ELMOD1: variants seen among roughly 807,000 people sequenced by gnomAD.
The protein encoded by ELMOD1 is ELMO domain containing 1, also known as ELMO domain-containing protein 1.
ELMOD1 carries 21 observed loss-of-function variants against 46.7 expected under a neutral mutation model. The ratio of observed to expected loss-of-function variants is 0.45; its 90% confidence interval spans 0.32 to 0.65. The LOEUF (loss-of-function observed/expected upper bound fraction) is 0.65. Among genes scored for constraint, ELMOD1 ranks in the 30% least tolerant of loss-of-function variants. ELMOD1 has a pLI of 0.04. For missense variants in ELMOD1, 348 were observed against 407.8 expected (o/e 0.85, Z 1.26); for synonymous variants, 122 against 138.2 (o/e 0.88, Z 0.82).
chr11:107,653,834 G>A (rs72990752), intron 9 of ELMOD1: 33 of 202,696 alleles, frequency 1.6e-4, no homozygotes, highest in Non-Finnish European at 2.3e-4. Context: ...ATGCAGTAGG[G>A]AATCAGGAGA....
At chr11:107,631,713 A>G (rs1866144472) in intron 5 of ELMOD1, 36 bp downstream of exon 5, 1 of 1,197,318 alleles carries the variant, frequency 8.4e-7, no homozygotes, top group African/African-American at 1.6e-5. Flanking sequence ...AATACAGAAC[A>G]CAAATCACAT....
intron 6 of ELMOD1, among the ~76,000 whole-genome samples, chr11:107,637,388 CA>C (rs1026629295): frequency 1.3e-5 from 2 of 152,046 alleles, no homozygotes; most frequent in Admixed American, 6.6e-5. Flanking sequence ...GCATATTGTT[CA>C]CCTTCAAAAA....
At position 107,627,830 on chromosome 11, in the gene ELMOD1, C is replaced by G. The variant is rs187168602; in HGVS notation, c.18-2587C>G. On this transcript the variant is annotated intron_variant, in intron 2 of 11. Coordinates refer to ENST00000265840, the MANE Select transcript of ELMOD1 (RefSeq NM_018712.4). ...CTAGGAAGATTTAGTACAAACAGAA[C>G]TGGATTATCTCATAGTTCTACTTTT... Among the ~76,000 whole-genome samples the G allele has an allele frequency of 1.1e-4, 17 of 152,290 alleles. 1 individual carries two copies. Among genetic ancestry groups the G allele is most frequent in the Admixed American group, 1.1e-3 (17 of 15,290 alleles).
At chr11:107,600,686 G>A (rs1865582354) in intron 1 of ELMOD1, 1 of 152,852 alleles carries the variant, frequency 6.5e-6, no homozygotes, top group African/African-American at 2.4e-5. Flanking sequence ...GTCAACATTT[G>A]TTTACTCAAG....
At chr11:107,618,027 C>T in intron 1 of ELMOD1, 78 bp from the exon 2 acceptor site, 1 of 716,328 alleles carries the variant, frequency 1.4e-6, no homozygotes. Flanking sequence ...AACTGCTTGC[C>T]TCAGTAAGCA....
At chr11:107,622,748 G>C (rs923919150) in intron 2 of ELMOD1, among the ~76,000 whole-genome samples, 4 of 152,160 alleles carry the variant, frequency 2.6e-5, no homozygotes, top group African/African-American at 9.7e-5. Context: ...GATTAGCATT[G>C]CTTGAGGCAT....
intron 2 of ELMOD1, 23 bp from the exon 3 acceptor site, chr11:107,630,394 G>T: frequency 6.3e-7 from 1 of 1,580,762 alleles, no homozygotes; most frequent in Non-Finnish European, 8.6e-7. Context: ...TATTGGAAGG[G>T]TGCTGTGTTT....
At chr11:107,615,363 G>A (rs981176234) in intron 1 of ELMOD1, among the ~76,000 whole-genome samples, 2 of 149,496 alleles carry the variant, frequency 1.3e-5, no homozygotes, top group African/African-American at 2.5e-5. Context: ...AGCCTCCCAA[G>A]TAGCTGGGAT....
chr11:107,646,746 A>G (rs1456060238), intron 6 of ELMOD1, among the ~76,000 whole-genome samples: 3 of 152,036 alleles, frequency 2.0e-5, no homozygotes, highest in African/African-American at 7.2e-5. Context: ...AAAAAAAAGC[A>G]AAAAGAAACT....
At chr11:107,646,988 A>AT (rs1866441252) in intron 6 of ELMOD1, among the ~76,000 whole-genome samples, 3 of 150,316 alleles carry the variant, frequency 2.0e-5, no homozygotes, top group Non-Finnish European at 1.5e-5. Context: ...CTATCTATCT[A>AT]CCTATCTACC....
At chr11:107,647,722 C>T in intron 7 of ELMOD1, 121 bp downstream of exon 7, 1 of 1,013,874 alleles carries the variant, frequency 9.9e-7, no homozygotes, top group Non-Finnish European at 1.3e-6. Context: ...AGAAAACATT[C>T]AAGTCCCCTG....
In ELMOD1 at chr11:107,627,138, G is replaced by C. The variant is rs562868669; in HGVS notation, c.18-3279G>C. On this transcript the variant is annotated intron_variant, in intron 2 of 11. Coordinates refer to ENST00000265840, the MANE Select transcript of ELMOD1 (RefSeq NM_018712.4). ...GTAACTAGCATAGCAGGAAAGTATG[G>C]TACCTAGCACAGCAAGCTGAGGTTT... Among the ~76,000 whole-genome samples, 165 of 152,308 alleles carry C rather than the reference G, an allele frequency of 1.1e-3. 1 individual carries two copies. The highest frequency in any genetic ancestry group is 8.9e-3 in the South Asian group (43 of 4,822).
Position 107,642,232 on chromosome 11 carries a change from G to A in ELMOD1, c.421-5236G>A, listed in dbSNP as rs945695427. 3.9e-5 allele frequency among the ~76,000 whole-genome samples: 6 copies of A among 152,006 alleles called. No homozygotes were observed. In the South Asian group the frequency reaches 8.3e-4, roughly 21 times the overall value. The stretch of plus-strand genomic sequence containing the variant: ...GCTGGGATTACAGGCCTGAGCCACC[G>A]CACGTGGCCCCTCACTCATTTTTTA... On this transcript the variant is annotated intron_variant, in intron 6 of 11. Coordinates refer to ENST00000265840, the MANE Select transcript of ELMOD1 (RefSeq NM_018712.4).
intron 2 of ELMOD1, among the ~76,000 whole-genome samples, chr11:107,627,842 A>G (rs1256468910): frequency 2.0e-5 from 3 of 152,206 alleles, no homozygotes; most frequent in African/African-American, 7.2e-5. Flanking sequence ...GGATTATCTC[A>G]TAGTTCTACT....
Position 107,666,325 on chromosome 11 carries a change from C to T in ELMOD1, c.*1128C>T, listed in dbSNP as rs1042485641. On this transcript the variant is annotated 3_prime_UTR_variant, in exon 12 of 12. Coordinates refer to ENST00000265840, the MANE Select transcript of ELMOD1 (RefSeq NM_018712.4). ...GCCTGCCTCTTGCGGAACTGGGTTACACCCTGGCACTGTTCTGATCCAAGC... is the reference window on the plus strand; with the variant it reads ...GCCTGCCTCTTGCGGAACTGGGTTATACCCTGGCACTGTTCTGATCCAAGC... The T allele has an allele frequency of 1.3e-5, 2 of 152,216 alleles. No individual in the cohort carries two copies. Among genetic ancestry groups the T allele is most frequent in the Non-Finnish European group, 2.9e-5 (2 of 68,044 alleles). The allele number at this position is 152,216 out of a possible 1,614,324, so 9.4% of individuals were successfully genotyped here.
In ELMOD1 at chr11:107,638,813, G is replaced by A. The variant is rs140757537; in HGVS notation, c.420+3048G>A. ...AAGTTAAGTACTTAGAAGAGAGACC[G>A]TACAGCTCATAAAGCCTAAAATATT... On this transcript the variant is annotated intron_variant, in intron 6 of 11. Coordinates refer to ENST00000265840, the MANE Select transcript of ELMOD1 (RefSeq NM_018712.4). Among the ~76,000 whole-genome samples, 602 of 152,252 alleles carry A rather than the reference G, an allele frequency of 4.0e-3. 4 individuals carry two copies. Among genetic ancestry groups the A allele is most frequent in the African/African-American group, 0.014 (585 of 41,534 alleles).
In ELMOD1 at chr11:107,635,639, G is replaced by A. The variant is rs760759593; in HGVS notation, c.294G>A (p.Leu98=). 7 of 1,612,874 alleles carry A rather than the reference G, an allele frequency of 4.3e-6. No homozygotes were observed. The highest frequency in any genetic ancestry group is 5.9e-6 in the Non-Finnish European group (7 of 1,179,540). Residue 98 remains leucine, a synonymous_variant, in exon 6 of 12, where the codon CTG becomes CTA. Transcript: ENST00000265840. The stretch of plus-strand genomic sequence containing the variant: ...CTTCTGTTTTTGAACACCCTAGGCT[G>A]GGAATCTCTCTTCAGGCTTGCCTTC... ...KKINPDVNPQ[L]GISLQACLLQ...
intron 11 of ELMOD1, among the ~76,000 whole-genome samples, chr11:107,656,440 G>T (rs1034703091): frequency 6.8e-6 from 1 of 147,144 alleles, no homozygotes. Context: ...AAAAATACAT[G>T]ATATATATAA....
chr11:107,606,169 A>G (rs7925258), intron 1 of ELMOD1, among the ~76,000 whole-genome samples: 12,291 of 152,214 alleles, frequency 0.081, 1,019 homozygotes, highest in African/African-American at 0.22. Flanking sequence ...TTCCTTGCAT[A>G]GGCATAGTGC....
Sources: allele counts gnomAD v4.1 joint callset (sites outside exome capture counted in the v4.1 genomes callset), GRCh38; gene constraint gnomAD v4.1.1; transcripts MANE v1.5; gene names NCBI Gene and HGNC (gene_info 2026-07-23, HGNC 2026-07-21).